The following DPP6 variants were observed in gnomAD, a reference collection of about 807,000 sequenced individuals.
DPP6 encodes A-type potassium channel modulatory protein DPP6.
A neutral mutation model predicts 122.6 loss-of-function variants in DPP6; 69 were observed. The ratio of observed to expected loss-of-function variants is 0.56; its 90% CI spans 0.46 to 0.69. DPP6 has a LOEUF of 0.69. Among genes scored for constraint, DPP6 ranks in the 30% least tolerant of loss-of-function variants. DPP6 has a pLI of 0.00. For missense variants in DPP6, 928 were observed against 1,116.9 expected, an observed-to-expected ratio of 0.83 and a Z score of 2.41; for synonymous variants, 418 against 433.1, an observed-to-expected ratio of 0.97 and a Z score of 0.43.
intron 4 of DPP6, among the ~76,000 whole-genome samples, chr7:154,563,700 G>A (rs896953391): frequency 1.5e-4 from 23 of 152,286 alleles, no homozygotes; most frequent in African/African-American, 5.5e-4. Flanking sequence ...TCTGAGAAGA[G>A]GAAAAAGGTT....
chr7:154,238,750 A>T (rs1340516089), intron 1 of DPP6, among the ~76,000 whole-genome samples: 1 of 152,192 alleles, frequency 6.6e-6, no homozygotes, highest in Non-Finnish European at 1.5e-5. Context: ...TACATTTAAA[A>T]CTATTCTCTC....
intron 1 of DPP6, among the ~76,000 whole-genome samples, chr7:154,061,614 CACA>C (rs1801900863): frequency 7.0e-6 from 1 of 142,372 alleles, no homozygotes; most frequent in African/African-American, 2.7e-5. Flanking sequence ...GGACTCCCAT[CACA>C]GGGGGGGGAG....
At chr7:153,960,719 G>A (rs1389605042) in intron 1 of DPP6, among the ~76,000 whole-genome samples, 4 of 8,804 alleles carry the variant, frequency 4.5e-4, no homozygotes, top group Middle Eastern at 0.019. Context: ...GTGTGCATGC[G>A]TGTGTGTGTG....
At chr7:154,172,322 G>A (rs1187017956) in intron 1 of DPP6, among the ~76,000 whole-genome samples, 1 of 152,142 alleles carries the variant, frequency 6.6e-6, no homozygotes, top group Non-Finnish European at 1.5e-5. Context: ...TAAGAGCCCT[G>A]ATAATTATTT....
intron 1 of DPP6, among the ~76,000 whole-genome samples, chr7:154,174,549 G>A (rs1177279776): frequency 1.3e-5 from 2 of 152,202 alleles, no homozygotes; most frequent in African/African-American, 2.4e-5. Flanking sequence ...GAAAGCCAAG[G>A]CCTATTGGTG....
At chr7:154,057,275 G>C (rs185082856) in intron 1 of DPP6, among the ~76,000 whole-genome samples, 1 of 150,796 alleles carries the variant, frequency 6.6e-6, no homozygotes, top group East Asian at 1.9e-4. Context: ...CTCCCATTTC[G>C]TGGTGGTTGA....
chr7:154,109,283 TTTTTTTCTTTTTTC>T (rs746840913), intron 1 of DPP6, among the ~76,000 whole-genome samples: 4 of 152,338 alleles, frequency 2.6e-5, no homozygotes, highest in Middle Eastern at 3.4e-3. Flanking sequence ...TTTTCTTTTC[TTTTTTTCTTTTTTC>T]TTTTTTCTTT....
Position 154,403,478 on chromosome 7 carries a change from C to A in DPP6, c.244-42736C>A, listed in dbSNP as rs549537829. Among the ~76,000 whole-genome samples, 3 of 152,280 alleles carry A rather than the reference C, an allele frequency of 2.0e-5. No individual in the cohort carries two copies. The highest frequency in any genetic ancestry group is 2.9e-5 in the Non-Finnish European group (2 of 68,012). ...GGGGGCAGCCATGCATGAAGACAGG[C>A]TGGGGGGCGCTAATGCAGCTTTCTC... On this transcript the variant is annotated intron_variant, in intron 1 of 25. Coordinates refer to ENST00000377770, the MANE Select transcript of DPP6 (RefSeq NM_130797.4). The surrounding 1 kb of genome is among the most constrained non-coding windows in gnomAD (Gnocchi z 4.1).
At chr7:154,720,141 C>T (rs573310948) in intron 7 of DPP6, among the ~76,000 whole-genome samples, 1 of 152,284 alleles carries the variant, frequency 6.6e-6, no homozygotes, top group African/African-American at 2.4e-5. Context: ...TACAAGAGGG[C>T]AGGATCTGGA....
chr7:153,807,834 G>A, the DPP6 span, among the ~76,000 whole-genome samples: 20 of 151,930 alleles, frequency 1.3e-4, no homozygotes, highest in Non-Finnish European at 2.6e-4. Context: ...ACGACGAATC[G>A]ATCTTGTGGC....
the DPP6 span, among the ~76,000 whole-genome samples, chr7:153,866,187 C>A: frequency 6.6e-6 from 1 of 152,120 alleles, no homozygotes; most frequent in African/African-American, 2.4e-5. Flanking sequence ...ATGGCTGGGT[C>A]AAATGGTATT....
chr7:154,599,427 T>C (rs1209234781), intron 5 of DPP6, among the ~76,000 whole-genome samples: 1 of 152,054 alleles, frequency 6.6e-6, no homozygotes, highest in South Asian at 2.1e-4. Context: ...ACGAGGTGAA[T>C]ATTTGTGGGT....
chr7:154,071,443 C>T (rs913238226), intron 1 of DPP6, among the ~76,000 whole-genome samples: 1 of 152,242 alleles, frequency 6.6e-6, no homozygotes, highest in African/African-American at 2.4e-5. Flanking sequence ...CGTATTCCTT[C>T]CACTGCCCTG....
At chr7:154,784,955 G>GA (rs1172595366) in intron 10 of DPP6, among the ~76,000 whole-genome samples, 5 of 151,810 alleles carry the variant, frequency 3.3e-5, no homozygotes, top group South Asian at 4.2e-4. Context: ...TGAGGAGCTT[G>GA]AAAAAAAATA....
rs1181311093 is a variant in DPP6 at position 154,663,019 on chromosome 7, T to C, written c.681-6341T>C. Among the ~76,000 whole-genome samples, 8 of 61,548 alleles carry C rather than the reference T, an allele frequency of 1.3e-4. 2 individuals are homozygous for C. Among genetic ancestry groups the C allele is most frequent in the African/African-American group, 3.4e-4 (8 of 23,588 alleles). The allele number at this position is 61,548 out of a possible 152,430, so 40.4% of individuals were successfully genotyped here. A position where few individuals can be genotyped will look rare whatever the true frequency, so the allele number is the denominator to read the frequency against. On this transcript the variant is annotated intron_variant, in intron 6 of 25. Transcript: ENST00000377770. Reference sequence around the variant, plus strand: ...GGCCCTAGTGTTCACGCAGTCATGGTGAATCACCATGGCGTGTTGGCCCTA... The same window carrying C: ...GGCCCTAGTGTTCACGCAGTCATGGCGAATCACCATGGCGTGTTGGCCCTA...
chr7:154,525,028 G>A (rs1169442560), intron 3 of DPP6, among the ~76,000 whole-genome samples: 1 of 152,114 alleles, frequency 6.6e-6, no homozygotes, highest in African/African-American at 2.4e-5. Flanking sequence ...CATGCTTCTA[G>A]CCCGTTTTCA....
At chr7:153,855,450 C>G in the DPP6 span, among the ~76,000 whole-genome samples, 4 of 152,098 alleles carry the variant, frequency 2.6e-5, no homozygotes, top group African/African-American at 7.2e-5. Context: ...TAATCCACTG[C>G]GTGAACTTTG....
chr7:154,605,578 T>C (rs1467377754), intron 5 of DPP6, among the ~76,000 whole-genome samples: 1 of 120,408 alleles, frequency 8.3e-6, no homozygotes, highest in African/African-American at 2.6e-5. Flanking sequence ...TCTGTCCTTA[T>C]AGTGTTTGTC....
chr7:154,883,030 TACACATGCTCACAC>T (rs756563012), intron 21 of DPP6, among the ~76,000 whole-genome samples: 1,835 of 141,500 alleles, frequency 0.013, 38 homozygotes, highest in African/African-American at 0.047. Flanking sequence ...TGCTCACCCA[TACACATGCTCACAC>T]ACACATGCTC....
Sources: allele counts gnomAD v4.1 joint callset (sites outside exome capture counted in the v4.1 genomes callset), GRCh38; gene constraint gnomAD v4.1.1; non-coding constraint Gnocchi (gnomAD v3.1); transcripts MANE v1.5; gene names NCBI Gene and HGNC (gene_info 2026-07-23, HGNC 2026-07-21).